The following GPC6 variants were observed in gnomAD, a reference collection of about 807,000 sequenced individuals.
The protein encoded by GPC6 is glypican-6.
Under a neutral mutation model 55.2 loss-of-function variants are expected in GPC6, and 14 were observed. The ratio of observed to expected loss-of-function variants is 0.25; its 90% CI spans 0.17 to 0.40. GPC6 has a LOEUF of 0.40. GPC6 is among the 10% of genes least tolerant of loss of function. The pLI is 1.00. For synonymous variants in GPC6, 278 were observed against 259.6 expected (o/e 1.07, Z -0.68); for missense variants, 641 against 708.5 (o/e 0.90, Z 1.08).
chr13:93,855,409 A>T (rs1255434290), intron 3 of GPC6, among the ~76,000 whole-genome samples: 6 of 151,604 alleles, frequency 4.0e-5, no homozygotes, highest in African/African-American at 1.2e-4. Context: ...GTGTAACACA[A>T]TTTTATTTAT....
intron 3 of GPC6, among the ~76,000 whole-genome samples, chr13:93,959,377 G>A (rs1297315831): frequency 1.3e-5 from 2 of 152,064 alleles, no homozygotes; most frequent in Non-Finnish European, 2.9e-5. Flanking sequence ...TAACCAGGCT[G>A]GTCTCAAGCT....
chr13:93,539,522 G>C (rs565682024), intron 1 of GPC6, among the ~76,000 whole-genome samples: 9 of 152,126 alleles, frequency 5.9e-5, no homozygotes, highest in African/African-American at 1.9e-4. Context: ...CATAGAGTCG[G>C]GCTCACGCGG....
At chr13:93,652,078 T>C (rs947789293) in intron 2 of GPC6, among the ~76,000 whole-genome samples, 1 of 152,324 alleles carries the variant, frequency 6.6e-6, no homozygotes, top group African/African-American at 2.4e-5. Flanking sequence ...GAAGTCCTAA[T>C]TGATCTCAGG....
intron 2 of GPC6, among the ~76,000 whole-genome samples, chr13:93,815,112 C>A (rs1886808822): frequency 6.6e-6 from 1 of 152,124 alleles, no homozygotes; most frequent in Non-Finnish European, 1.5e-5. Flanking sequence ...TATTCAGATA[C>A]CTTCTTGTAA....
intron 4 of GPC6, among the ~76,000 whole-genome samples, chr13:94,172,197 A>G (rs1201311629): frequency 6.6e-6 from 1 of 152,178 alleles, no homozygotes; most frequent in African/African-American, 2.4e-5. Context: ...CCTACCCACC[A>G]GAAGACAAAA....
At chr13:93,498,215 A>C (rs1291337334) in intron 1 of GPC6, among the ~76,000 whole-genome samples, 1 of 152,148 alleles carries the variant, frequency 6.6e-6, no homozygotes, top group Admixed American at 6.5e-5. Context: ...CTAATGATCA[A>C]ATATTGTCCA....
rs114084617 is a variant in GPC6 at position 93,960,030 on chromosome 13, A to T, written c.712-67699A>T. Among the ~76,000 whole-genome samples the T allele has an allele frequency of 7.8e-3, 1,190 of 152,282 alleles. 17 individuals carry two copies. Among genetic ancestry groups the T allele is most frequent in the African/African-American group, 0.027 (1,137 of 41,548 alleles). On this transcript the variant is annotated intron_variant, in intron 3 of 8. Coordinates refer to ENST00000377047, the MANE Select transcript of GPC6 (RefSeq NM_005708.5). ...CTGGTAATCTCCCTCACCCTCAGGCACGTTTCTCTGTAGACTCCACATCTT... is the reference window on the plus strand; with the variant it reads ...CTGGTAATCTCCCTCACCCTCAGGCTCGTTTCTCTGTAGACTCCACATCTT...
At chr13:93,336,988 T>C (rs1289551907) in intron 1 of GPC6, among the ~76,000 whole-genome samples, 1 of 152,196 alleles carries the variant, frequency 6.6e-6, no homozygotes, top group East Asian at 1.9e-4. Context: ...GTATTTAACA[T>C]GTTAACTTTT....
intron 4 of GPC6, among the ~76,000 whole-genome samples, chr13:94,282,751 T>A (rs1382329455): frequency 1.3e-5 from 2 of 152,192 alleles, no homozygotes; most frequent in African/African-American, 2.4e-5. Flanking sequence ...ACACATGCCC[T>A]CTCCAACACT....
chr13:93,852,421 T>C (rs1416924413), intron 3 of GPC6, among the ~76,000 whole-genome samples: 1 of 151,792 alleles, frequency 6.6e-6, no homozygotes, highest in Non-Finnish European at 1.5e-5. Flanking sequence ...AACAATAAGA[T>C]TTTTGTTGTA....
intron 4 of GPC6, among the ~76,000 whole-genome samples, chr13:94,151,785 G>A (rs1189491750): frequency 6.6e-6 from 1 of 152,088 alleles, no homozygotes; most frequent in Non-Finnish European, 1.5e-5. Flanking sequence ...TGTAGAGGTG[G>A]ATAATGGTGT....
intron 1 of GPC6, among the ~76,000 whole-genome samples, chr13:93,319,240 C>T (rs943491222): frequency 6.6e-6 from 1 of 152,084 alleles, no homozygotes; most frequent in Non-Finnish European, 1.5e-5. Context: ...AGCTGCAGCC[C>T]TCGTGCATAG....
At chr13:94,063,659 G>A (rs972894012) in intron 4 of GPC6, among the ~76,000 whole-genome samples, 2 of 152,030 alleles carry the variant, frequency 1.3e-5, no homozygotes, top group Admixed American at 6.6e-5. Flanking sequence ...CTCAAAGCCC[G>A]AGCCTTCCTA....
chr13:93,322,431 CTTTTTTTTTT>C (rs71272281), intron 1 of GPC6, among the ~76,000 whole-genome samples: 2 of 96,790 alleles, frequency 2.1e-5, no homozygotes, highest in Non-Finnish European at 3.9e-5. Context: ...TTTCTTTCTT[CTTTTTTTTTT>C]TTTTTTTTTT....
In GPC6 at chr13:93,901,523, A is replaced by T. The variant is rs79718712; in HGVS notation, c.711+70978A>T. Among the ~76,000 whole-genome samples, 652 of 152,282 alleles carry T rather than the reference A, an allele frequency of 4.3e-3. 2 individuals are homozygous for T. The highest frequency in any genetic ancestry group is 0.015 in the African/African-American group (603 of 41,558). On this transcript the variant is annotated intron_variant, in intron 3 of 8. Transcript: ENST00000377047. ...TAATACTGATTTTGTTCTGAAACCA[A>T]TTGTTTGAAAATTCTGAATCAACTG... is the stretch of plus-strand genomic sequence containing the variant.
intron 6 of GPC6, among the ~76,000 whole-genome samples, chr13:94,373,531 A>G (rs1247320698): frequency 1.3e-5 from 2 of 152,220 alleles, no homozygotes; most frequent in African/African-American, 4.8e-5. Context: ...ATAAAAAGAA[A>G]TGATCAAAGC....
At chr13:94,234,408 G>A (rs1890814831) in intron 4 of GPC6, among the ~76,000 whole-genome samples, 2 of 151,930 alleles carry the variant, frequency 1.3e-5, no homozygotes, top group Middle Eastern at 3.4e-3. Context: ...ATGATCACTG[G>A]AAGATGTTTC....
At chr13:93,894,557 A>T (rs1327524539) in intron 3 of GPC6, among the ~76,000 whole-genome samples, 1 of 152,206 alleles carries the variant, frequency 6.6e-6, no homozygotes, top group Non-Finnish European at 1.5e-5. Flanking sequence ...GCTGAGTGAC[A>T]CAATTTCAAT....
chr13:93,843,376 AC>A (rs1278617389), intron 3 of GPC6, among the ~76,000 whole-genome samples: 1 of 152,112 alleles, frequency 6.6e-6, no homozygotes, highest in Non-Finnish European at 1.5e-5. Flanking sequence ...TACCTACTCC[AC>A]ATAGTTCCAT....
Sources: allele counts gnomAD v4.1 joint callset (sites outside exome capture counted in the v4.1 genomes callset), GRCh38; gene constraint gnomAD v4.1.1; transcripts MANE v1.5; gene names NCBI Gene and HGNC (gene_info 2026-07-23, HGNC 2026-07-21).